Variants in NUBPL observed in about 807,000 individuals in gnomAD.
NUBPL encodes the protein iron-sulfur cluster transfer protein NUBPL.
A neutral mutation model predicts 45.7 loss-of-function variants in NUBPL; 31 were observed. The ratio of observed to expected loss-of-function variants is 0.68; its 90% CI spans 0.51 to 0.92. The LOEUF (loss-of-function observed/expected upper bound fraction) is 0.92, where lower values mean the gene tolerates loss of function less well. Ranked by LOEUF, NUBPL falls within the 40% of genes least tolerant of loss-of-function variation. NUBPL has a pLI of 0.00. For missense variants in NUBPL, 401 were observed against 398.7 expected, an observed-to-expected ratio of 1.01 and a Z score of -0.05; for synonymous variants, 144 against 140.9, an observed-to-expected ratio of 1.02 and a Z score of -0.15.
chr14:31,635,076 A>G (rs2035452677), intron 4 of NUBPL, among the ~76,000 whole-genome samples: 1 of 147,746 alleles, frequency 6.8e-6, no homozygotes, highest in African/African-American at 2.5e-5. Context: ...TTTGCTGTGC[A>G]GAAGCTCTTT....
At chr14:31,801,353 G>T (rs542264572) in intron 7 of NUBPL, among the ~76,000 whole-genome samples, 1 of 152,078 alleles carries the variant, frequency 6.6e-6, no homozygotes, top group African/African-American at 2.4e-5. Context: ...GAGTTTGAGG[G>T]GCACAGAGGG....
At chr14:31,838,463 G>T (rs572413931) in intron 8 of NUBPL, among the ~76,000 whole-genome samples, 1 of 152,122 alleles carries the variant, frequency 6.6e-6, no homozygotes, top group African/African-American at 2.4e-5. Flanking sequence ...TTAGCTGGAT[G>T]AATCACTTGG....
intron 6 of NUBPL, among the ~76,000 whole-genome samples, chr14:31,684,247 T>C (rs140928211): frequency 6.6e-6 from 1 of 152,360 alleles, no homozygotes; most frequent in Non-Finnish European, 1.5e-5. Context: ...TTAATATGTG[T>C]CATATGCTTA....
chr14:31,644,450 G>A (rs149504179), intron 4 of NUBPL, among the ~76,000 whole-genome samples: 1 of 151,938 alleles, frequency 6.6e-6, no homozygotes, highest in African/African-American at 2.4e-5. Context: ...CCATCTGTTT[G>A]TGTATTTTTT....
At chr14:31,594,083 T>C (rs1417318247) in intron 3 of NUBPL, among the ~76,000 whole-genome samples, 1 of 152,136 alleles carries the variant, frequency 6.6e-6, no homozygotes, top group Non-Finnish European at 1.5e-5. Context: ...TAAGATGATC[T>C]CTTAGGTTTC....
chr14:31,599,242 G>A (rs753868992), intron 3 of NUBPL, 47 bp from the exon 4 acceptor site: 15 of 1,367,378 alleles, frequency 1.1e-5, no homozygotes, highest in South Asian at 5.9e-5. Context: ...CAATCTTATG[G>A]TAAAGTGTTT....
Position 31,839,023 on chromosome 14 carries a change from T to C in NUBPL, c.694-7448T>C, listed in dbSNP as rs113430504. 8.0e-3 allele frequency among the ~76,000 whole-genome samples: 1,225 copies of C among 152,308 alleles called. 21 individuals carry two copies. Among genetic ancestry groups the C allele is most frequent in the African/African-American group, 0.027 (1,139 of 41,570 alleles). ...AGATTATTCCTCCCAAGGAACTCATTTTAATTTTACTGCTTTTGGTTTTAT... is the reference window on the plus strand; with the variant it reads ...AGATTATTCCTCCCAAGGAACTCATCTTAATTTTACTGCTTTTGGTTTTAT... On this transcript the variant is annotated intron_variant, in intron 8 of 10. Transcript: ENST00000281081.
At chr14:31,603,788 G>C (rs1315138838) in intron 4 of NUBPL, among the ~76,000 whole-genome samples, 1 of 152,114 alleles carries the variant, frequency 6.6e-6, no homozygotes, top group Non-Finnish European at 1.5e-5. Flanking sequence ...AACTTGAAAA[G>C]CTGTTATTCT....
At chr14:31,858,737 A>G (rs553231228) in intron 10 of NUBPL, among the ~76,000 whole-genome samples, 1 of 152,344 alleles carries the variant, frequency 6.6e-6, no homozygotes, top group Admixed American at 6.5e-5. Context: ...TAAAATGACT[A>G]ACAGCTCTTA....
At chr14:31,574,953 C>T (rs2139475143) in intron 3 of NUBPL, among the ~76,000 whole-genome samples, 1 of 152,194 alleles carries the variant, frequency 6.6e-6, no homozygotes, top group Non-Finnish European at 1.5e-5. Flanking sequence ...GAATCATTAA[C>T]CAGAATTTTA....
intron 6 of NUBPL, among the ~76,000 whole-genome samples, chr14:31,773,349 G>C (rs2039043116): frequency 6.6e-6 from 1 of 152,048 alleles, no homozygotes; most frequent in Non-Finnish European, 1.5e-5. Flanking sequence ...AAATTTTAAG[G>C]GGCAACTTGA....
At chr14:31,626,454 A>G (rs1341574874) in intron 4 of NUBPL, among the ~76,000 whole-genome samples, 1 of 152,176 alleles carries the variant, frequency 6.6e-6, no homozygotes, top group Admixed American at 6.5e-5. Flanking sequence ...GTTTAGCTTT[A>G]GAATGTGCCT....
intron 6 of NUBPL, among the ~76,000 whole-genome samples, chr14:31,746,277 G>A (rs113085522): frequency 6.6e-6 from 1 of 151,972 alleles, no homozygotes; most frequent in Admixed American, 6.6e-5. Context: ...AGTTCCTAGA[G>A]GAAAAGATTT....
chr14:31,718,563 A>G (rs2037738219), intron 6 of NUBPL, among the ~76,000 whole-genome samples: 1 of 152,188 alleles, frequency 6.6e-6, no homozygotes. Flanking sequence ...CAGCAAAGTG[A>G]TTAAAATTGT....
chr14:31,644,275 A>G (rs2035785319), intron 4 of NUBPL, among the ~76,000 whole-genome samples: 1 of 151,930 alleles, frequency 6.6e-6, no homozygotes, highest in African/African-American at 2.4e-5. Context: ...TTTTTTTAAA[A>G]TGTAGGTGTT....
chr14:31,739,802 G>A (rs2038244943), intron 6 of NUBPL, among the ~76,000 whole-genome samples: 1 of 152,094 alleles, frequency 6.6e-6, no homozygotes, highest in African/African-American at 2.4e-5. Flanking sequence ...AAAATCCTCT[G>A]TGTCCTGCCT....
intron 6 of NUBPL, among the ~76,000 whole-genome samples, chr14:31,702,454 C>T (rs1487103968): frequency 6.6e-6 from 1 of 152,190 alleles, no homozygotes; most frequent in Non-Finnish European, 1.5e-5. Context: ...GAGCAGAGAC[C>T]TTAGAGATTA....
intron 8 of NUBPL, among the ~76,000 whole-genome samples, chr14:31,834,396 G>A (rs555039421): frequency 1.5e-4 from 23 of 152,096 alleles, no homozygotes; most frequent in South Asian, 2.1e-4. Flanking sequence ...AGCCAGGATG[G>A]TCTCGATCTC....
intron 6 of NUBPL, among the ~76,000 whole-genome samples, chr14:31,687,036 C>T (rs929087767): frequency 6.6e-6 from 1 of 152,138 alleles, no homozygotes; most frequent in African/African-American, 2.4e-5. Context: ...CTGGTTGAGC[C>T]TAGGAATTTG....
Sources: allele counts gnomAD v4.1 joint callset (sites outside exome capture counted in the v4.1 genomes callset), GRCh38; gene constraint gnomAD v4.1.1; transcripts MANE v1.5; gene names NCBI Gene and HGNC (gene_info 2026-07-23, HGNC 2026-07-21).